Variants in SDK1 observed in about 807,000 individuals in gnomAD.
SDK1 encodes the protein sidekick cell adhesion molecule 1.
SDK1 carries 157 observed loss-of-function variants against 245.5 expected under a neutral mutation model. The ratio of observed to expected loss-of-function variants is 0.64; its 90% confidence interval spans 0.56 to 0.73. SDK1 has a LOEUF of 0.73. Among genes scored for constraint, SDK1 ranks in the 30% least tolerant of loss-of-function variants. The probability of loss-of-function intolerance (pLI) is 0.00; values close to 1 mark genes in which losing one functional copy is unlikely to be tolerated. For synonymous variants in SDK1, 1,647 were observed against 1,278.5 expected (o/e 1.29, Z -6.15); for missense variants, 3,583 against 3,002.3 (o/e 1.19, Z -4.52).
At chr7:3,955,570 G>C (rs1286971374) in intron 7 of SDK1, among the ~76,000 whole-genome samples, 1 of 152,216 alleles carries the variant, frequency 6.6e-6, no homozygotes, top group African/African-American at 2.4e-5. Context: ...CGGTGGACTA[G>C]CGTGCAGTGC....
chr7:3,312,313 G>C (rs1273149265), intron 1 of SDK1, among the ~76,000 whole-genome samples: 1 of 152,152 alleles, frequency 6.6e-6, no homozygotes, highest in Non-Finnish European at 1.5e-5. Flanking sequence ...GAAGAAACAA[G>C]TCATGCTATA....
At chr7:3,952,443 C>A (rs1050003552) in intron 7 of SDK1, among the ~76,000 whole-genome samples, 1 of 152,074 alleles carries the variant, frequency 6.6e-6, no homozygotes, top group Non-Finnish European at 1.5e-5. Context: ...ATCAGCTGGG[C>A]GCAGTGGCGG....
intron 44 of SDK1, among the ~76,000 whole-genome samples, chr7:4,257,501 G>A (rs1787706709): frequency 6.6e-6 from 1 of 152,222 alleles, no homozygotes; most frequent in African/African-American, 2.4e-5. Flanking sequence ...GCAGGCAGCA[G>A]GAGGAAGAAT....
chr7:4,233,402 C>T lies in SDK1; in HGVS notation c.5975C>T (p.Pro1992Leu), dbSNP rs1164896720. ...NEAGYGEPSN[P>L]STAVSAQVEA... ...GCGGGCTACGGGGAGCCCAGCAACC[C>T]CTCCACGGCTGTGTCAGGTAGGCCC... The change falls in exon 41 of 45, where the codon CCC (proline) becomes CTC (leucine). Residue 1992 changes from proline to leucine, a missense_variant. By Grantham distance (98) the Pro-to-Leu change is moderately conservative. Coordinates refer to ENST00000404826, the MANE Select transcript of SDK1 (RefSeq NM_152744.4). 1.2e-6 allele frequency: 2 copies of T among 1,612,628 alleles called. No individual in the cohort carries two copies. Among genetic ancestry groups the T allele is most frequent in the Non-Finnish European group, 1.7e-6 (2 of 1,179,980 alleles).
intron 4 of SDK1, among the ~76,000 whole-genome samples, chr7:3,759,418 C>T (rs1780028282): frequency 6.6e-6 from 1 of 152,056 alleles, no homozygotes. Context: ...AAAAAAGTAG[C>T]TGTGCATCCT....
At chr7:3,369,814 C>A (rs906702382) in intron 1 of SDK1, among the ~76,000 whole-genome samples, 1 of 152,108 alleles carries the variant, frequency 6.6e-6, no homozygotes, top group East Asian at 1.9e-4. Context: ...GTAGATTTTT[C>A]ACTTATTAAG....
intron 39 of SDK1, 110 bp downstream of exon 39, chr7:4,220,380 C>A: frequency 2.5e-6 from 3 of 1,190,986 alleles, no homozygotes; most frequent in Non-Finnish European, 3.5e-6. Context: ...TGTTGGCGGC[C>A]AAGAGCTGGC....
intron 4 of SDK1, among the ~76,000 whole-genome samples, chr7:3,796,382 T>C (rs1778960533): frequency 6.6e-6 from 1 of 152,206 alleles, no homozygotes; most frequent in African/African-American, 2.4e-5. Flanking sequence ...GGCATAGCAG[T>C]GGATCTCAGA....
rs1007933037 is a variant in SDK1 at position 3,692,906 on chromosome 7, A to G, written c.713+50801A>G. On this transcript the variant is annotated intron_variant, in intron 4 of 44. Coordinates refer to ENST00000404826, the MANE Select transcript of SDK1 (RefSeq NM_152744.4). The stretch of plus-strand genomic sequence containing the variant: ...TCTATTTTAATTATATATTAATATG[A>G]TAGATAAAGGTAGCATCTTGGTAAT... 3.3e-5 allele frequency among the ~76,000 whole-genome samples: 5 copies of G among 152,052 alleles called. No individual in the cohort carries two copies. In the South Asian group the frequency reaches 6.2e-4, roughly 19 times the overall value.
At chr7:3,928,926 G>A (rs1219379593) in intron 5 of SDK1, among the ~76,000 whole-genome samples, 8 of 152,282 alleles carry the variant, frequency 5.3e-5, no homozygotes, top group East Asian at 1.9e-4. Flanking sequence ...TCTGTCACTC[G>A]GCTGAACTGC....
At chr7:3,511,635 G>A (rs1237231936) in intron 1 of SDK1, among the ~76,000 whole-genome samples, 1 of 152,006 alleles carries the variant, frequency 6.6e-6, no homozygotes, top group Non-Finnish European at 1.5e-5. Context: ...CTGGGTGATT[G>A]TGTTAAGTGG....
chr7:3,716,338 T>C (rs965876806), intron 4 of SDK1, among the ~76,000 whole-genome samples: 1 of 152,148 alleles, frequency 6.6e-6, no homozygotes, highest in African/African-American at 2.4e-5. Flanking sequence ...AGAAATCAAT[T>C]TGAAGACACT....
intron 15 of SDK1, among the ~76,000 whole-genome samples, 158 bp from the exon 16 acceptor site, chr7:4,011,937 C>T (rs778345875): frequency 2.0e-5 from 3 of 152,180 alleles, no homozygotes; most frequent in Non-Finnish European, 2.9e-5. Flanking sequence ...CTGTTTCTCA[C>T]GTCCTTTCAG....
At chr7:4,096,905 G>T (rs923249795) in intron 22 of SDK1, among the ~76,000 whole-genome samples, 1 of 152,218 alleles carries the variant, frequency 6.6e-6, no homozygotes, top group African/African-American at 2.4e-5. Flanking sequence ...AGGATCTGTA[G>T]CCCAGGAAGA....
In SDK1 at chr7:4,245,815, G is replaced by A. The variant is rs374170645; in HGVS notation, c.6381+10G>A. On this transcript the variant is annotated intron_variant, in intron 44 of 44. Transcript: ENST00000404826. ...TGCATCAGAATCTGAGGTCAGTGTC[G>A]GTGCCTACTTCCGGGCAGTGACCAT... 8 of 1,613,324 alleles carry A rather than the reference G, an allele frequency of 5.0e-6. No homozygotes were observed. Among genetic ancestry groups the A allele is most frequent in the African/African-American group, 1.3e-5 (1 of 74,878 alleles).
At chr7:3,964,508 G>T (rs778788348) in intron 9 of SDK1, among the ~76,000 whole-genome samples, 7 of 151,956 alleles carry the variant, frequency 4.6e-5, no homozygotes, top group African/African-American at 1.2e-4. Context: ...TTGAACAATT[G>T]TAGTTCTTTT....
Position 3,639,113 on chromosome 7 carries a change from A to G in SDK1, c.565+3A>G, listed in dbSNP as rs1190767828. On this transcript the variant is annotated splice_donor_region_variant and intron_variant, in intron 3 of 44. Transcript: ENST00000404826. ...AAAATCAGAAGTTCAAGTCGCATGT[A>G]TGTGTACAGTAAGGAGATGTCCAAA... 7 of 1,562,316 alleles carry G rather than the reference A, an allele frequency of 4.5e-6. No individual in the cohort carries two copies. Among genetic ancestry groups the G allele is most frequent in the South Asian group, 2.3e-5 (2 of 87,056 alleles).
intron 4 of SDK1, among the ~76,000 whole-genome samples, chr7:3,647,155 G>C (rs1583268032): frequency 6.6e-6 from 1 of 152,246 alleles, no homozygotes; most frequent in African/African-American, 2.4e-5. Flanking sequence ...GGAGGCCAAA[G>C]CAGGAGGATG....
chr7:3,495,494 A>G lies in SDK1; in HGVS notation c.299-123586A>G, dbSNP rs143751770. The stretch of plus-strand genomic sequence containing the variant: ...GGCAAGTCTTGAACACCCAGCCTCA[A>G]GAGATCCTCCCGCCTCAGCCTCCCA... On this transcript the variant is annotated intron_variant, in intron 1 of 44. Transcript: ENST00000404826. 3.6e-4 allele frequency among the ~76,000 whole-genome samples: 55 copies of G among 152,180 alleles called. No individual in the cohort carries two copies. In the East Asian group the frequency reaches 9.3e-3, roughly 26 times the overall value.
Sources: allele counts gnomAD v4.1 joint callset (sites outside exome capture counted in the v4.1 genomes callset), GRCh38; gene constraint gnomAD v4.1.1; transcripts MANE v1.5; gene names NCBI Gene and HGNC (gene_info 2026-07-23, HGNC 2026-07-21).